The following SMCO1 variants were observed in gnomAD, a reference collection of about 807,000 sequenced individuals.
SMCO1 encodes the protein single-pass membrane and coiled-coil domain-containing protein 1.
Under a neutral mutation model 7.5 loss-of-function variants are expected in SMCO1, and 9 were observed. That is an observed-to-expected ratio of 1.20 (90% CI 0.72 to 2.09). The LOEUF is 2.09. Ranked by LOEUF, SMCO1 falls within the 30% of genes most tolerant of loss-of-function variation. SMCO1 has a pLI of 0.00. For missense variants in SMCO1, 219 were observed against 253.1 expected, an observed-to-expected ratio of 0.87 and a Z score of 0.91; for synonymous variants, 90 against 93.8, an observed-to-expected ratio of 0.96 and a Z score of 0.23.
rs779669988 is a variant in SMCO1, at chr3:196,515,246, CA to C, written c.-38del. 6.6e-7 allele frequency: 1 copy of C among 1,526,172 alleles called. No homozygotes were observed. Among genetic ancestry groups the C allele is most frequent in the South Asian group, 1.1e-5 (1 of 88,102 alleles). The allele number at this position is 1,526,172 out of a possible 1,614,324, so 94.5% of individuals were successfully genotyped here. ...AAAAGGAAAGAAAACAAAAACAAAG[CA>C]AAACAAAAAAAGCAATAAATGTTTG... On this transcript the variant is annotated 5_prime_UTR_variant, in exon 1 of 3. Transcript: ENST00000397537.
chr3:196,519,245 ATCTTTT>A (rs1483539273), upstream of SMCO1, among the ~76,000 whole-genome samples: 3 of 152,144 alleles, frequency 2.0e-5, no homozygotes, highest in African/African-American at 7.2e-5. Context: ...GGATCTTGTG[ATCTTTT>A]AGGAACAGAG....
upstream of SMCO1, among the ~76,000 whole-genome samples, chr3:196,518,416 C>T (rs781439439): frequency 2.6e-5 from 4 of 152,196 alleles, no homozygotes; most frequent in African/African-American, 7.2e-5. Context: ...CTAATTTTCT[C>T]GGCATGTGAC....
rs974739291 is a variant in SMCO1 at position 196,509,560 on chromosome 3, C to T, written c.160G>A (p.Ala54Thr). The T allele has an allele frequency of 2.5e-6, 4 of 1,613,948 alleles. No individual in the cohort carries two copies. Among genetic ancestry groups the T allele is most frequent in the African/African-American group, 2.7e-5 (2 of 74,902 alleles). The change falls in exon 2 of 3, where the codon GCA (alanine) becomes ACA (threonine). Residue 54 changes from alanine (A) to threonine (T), a missense_variant. Physicochemically the swap from Ala to Thr is moderately conservative, Grantham distance 58. Transcript: ENST00000397537. ...EHHSKALASQ[A>T]AQDEMWTAVR... is the part of the protein sequence containing the mutation. ...GCTGTCCACATCTCATCTTGGGCTG[C>T]TTGGCTTGCCAAAGCCTTACTATGA...
chr3:196,511,853 C>T (rs1733244136), intron 1 of SMCO1, among the ~76,000 whole-genome samples: 2 of 135,874 alleles, frequency 1.5e-5, no homozygotes, highest in African/African-American at 7.4e-5. Context: ...GGAAACCTGC[C>T]TGGGCTGCCT....
chr3:196,515,300 T>G lies in SMCO1; in HGVS notation c.-91A>C, dbSNP rs1733358775. ...TCCAGAATTTTCTGCGGTCTTCCTC[T>G]CAGCAACAGGCAGCAGTAGCAGGAG... On this transcript the variant is annotated 5_prime_UTR_variant, in exon 1 of 3. Coordinates refer to ENST00000397537, the MANE Select transcript of SMCO1 (RefSeq NM_001077657.3). The G allele has an allele frequency of 1.1e-6, 1 of 948,176 alleles. No homozygotes were observed. The highest frequency in any genetic ancestry group is 1.7e-5 in the Admixed American group (1 of 57,350). 58.7% of individuals were successfully genotyped at this position (948,176 alleles called of 1,614,324 possible).
At chr3:196,509,431 G>A in intron 2 of SMCO1, 89 bp downstream of exon 2, 2 of 1,118,718 alleles carry the variant, frequency 1.8e-6, no homozygotes, top group Non-Finnish European at 1.3e-6. Flanking sequence ...TCCATTGTGG[G>A]AAACATACTA....
rs754234737 is a variant in SMCO1, at chr3:196,515,228, A to G, written c.-19T>C. On this transcript the variant is annotated 5_prime_UTR_variant, in exon 1 of 3. Transcript: ENST00000397537. The stretch of plus-strand genomic sequence containing the variant: ...TGTTCATCTTCTGAAGGCAAAAGGA[A>G]AGAAAACAAAAACAAAGCAAAACAA... 2.5e-6 allele frequency: 4 copies of G among 1,582,744 alleles called. No individual in the cohort carries two copies. In the East Asian group the frequency reaches 6.7e-5, roughly 27 times the overall value.
At chr3:196,511,087 A>G in intron 1 of SMCO1, among the ~76,000 whole-genome samples, 1 of 150,024 alleles carries the variant, frequency 6.7e-6, no homozygotes, top group Admixed American at 6.6e-5. Flanking sequence ...TGGGCCACCT[A>G]GATTGTCATT....
At chr3:196,511,923 C>T (rs189871634) in intron 1 of SMCO1, among the ~76,000 whole-genome samples, 1 of 124,926 alleles carries the variant, frequency 8.0e-6, no homozygotes, top group Non-Finnish European at 1.5e-5. Context: ...TGAGGGAAAC[C>T]TGCCTGGGCC....
At chr3:196,516,015 ATATATATATATATAT>A, upstream of SMCO1, among the ~76,000 whole-genome samples, 1 of 95,546 alleles carries the variant, frequency 1.0e-5, no homozygotes, top group South Asian at 2.6e-4. Flanking sequence ...ATATATATAT[ATATATATATATATAT>A]AATTATATAT....
intron 1 of SMCO1, among the ~76,000 whole-genome samples, chr3:196,512,293 A>G (rs948019500): frequency 7.2e-6 from 1 of 138,384 alleles, no homozygotes; most frequent in Non-Finnish European, 1.6e-5. Context: ...TGAGGGAAAC[A>G]TGCCTGGGCC....
At chr3:196,509,707 A>C (rs771074362) in intron 1 of SMCO1, 38 bp from the exon 2 acceptor site, 1 of 1,562,860 alleles carries the variant, frequency 6.4e-7, no homozygotes, top group Non-Finnish European at 8.7e-7. Context: ...TTTAGGTTAC[A>C]GGACAAAACT....
chr3:196,507,902 T>C lies in SMCO1; in HGVS notation c.630A>G (p.Pro210=), dbSNP rs1733090225. Residue 210 remains proline (P), a synonymous_variant, in exon 3 of 3, where the codon CCA becomes CCG. Transcript: ENST00000397537. The part of the protein sequence containing the change: ...KQKSSLEELI[P]SVKN ...GGGTAACAGGTTAGTTTTTGACAGA[T>C]GGTATCAACTCTTCGAGGGATGACT... The C allele has an allele frequency of 3.7e-6, 6 of 1,609,810 alleles. No individual in the cohort carries two copies. The highest frequency in any genetic ancestry group is 1.1e-5 in the South Asian group (1 of 90,674).
chr3:196,512,513 T>G, intron 1 of SMCO1, among the ~76,000 whole-genome samples: 1 of 143,634 alleles, frequency 7.0e-6, no homozygotes, highest in Non-Finnish European at 1.5e-5. Flanking sequence ...TCCTTTCTTT[T>G]TTTTTTTTTT....
At chr3:196,512,655 G>T (rs939144837) in intron 1 of SMCO1, among the ~76,000 whole-genome samples, 2 of 151,526 alleles carry the variant, frequency 1.3e-5, no homozygotes, top group African/African-American at 4.9e-5. Flanking sequence ...GGGATTACAG[G>T]CGCCACCACA....
chr3:196,509,467 TG>T (rs1733157262), intron 2 of SMCO1, 52 bp downstream of exon 2: 1 of 1,518,294 alleles, frequency 6.6e-7, no homozygotes, highest in African/African-American at 1.4e-5. Context: ...CAATGACCAG[TG>T]GAAGCTCTCA....
upstream of SMCO1, among the ~76,000 whole-genome samples, chr3:196,517,387 C>T (rs940907443): frequency 6.6e-6 from 1 of 152,012 alleles, no homozygotes; most frequent in Non-Finnish European, 1.5e-5. Context: ...ACTTTCAGCC[C>T]CCACCCACCA....
At chr3:196,516,316 G>T (rs539064788), upstream of SMCO1, among the ~76,000 whole-genome samples, 1 of 151,762 alleles carries the variant, frequency 6.6e-6, no homozygotes, top group Non-Finnish European at 1.5e-5. Flanking sequence ...TCCTTGGGGA[G>T]ATATTCACCC....
chr3:196,509,171 T>A (rs1478301046), intron 2 of SMCO1, among the ~76,000 whole-genome samples: 1 of 147,922 alleles, frequency 6.8e-6, no homozygotes, highest in Non-Finnish European at 1.5e-5. Flanking sequence ...TGCCTCAGCC[T>A]CCCGAGTAGT....
Sources: gnomAD v4.1 joint callset for allele counts (sites outside exome capture counted in the v4.1 genomes callset) on GRCh38, gnomAD v4.1.1 for gene constraint, MANE v1.5 for transcripts, NCBI Gene and HGNC (gene_info 2026-07-23, HGNC 2026-07-21) for gene names.